Variants in PHACTR3 observed in about 807,000 individuals in gnomAD.
PHACTR3 encodes the protein protein phosphatase 1, regulatory subunit 123.
A neutral mutation model predicts 66.8 loss-of-function variants in PHACTR3; 16 were observed. That is an observed-to-expected ratio of 0.24 (90% CI 0.16 to 0.36). PHACTR3 has a LOEUF of 0.36. Among genes scored for constraint, PHACTR3 ranks in the 10% least tolerant of loss-of-function variants. PHACTR3 has a pLI of 1.00. For synonymous variants in PHACTR3, 323 were observed against 292.1 expected, an observed-to-expected ratio of 1.11 and a Z score of -1.08; for missense variants, 647 against 719.9, an observed-to-expected ratio of 0.90 and a Z score of 1.16.
chr20:59,769,346 G>C (rs902075117), intron 5 of PHACTR3, among the ~76,000 whole-genome samples: 1 of 152,206 alleles, frequency 6.6e-6, no homozygotes, highest in Non-Finnish European at 1.5e-5. Flanking sequence ...AGCTCATGCT[G>C]GATTCGGTTA....
chr20:59,725,401 CGGTATGAGCTTAGGTG>C (rs1436779742), intron 1 of PHACTR3, among the ~76,000 whole-genome samples: 2 of 151,408 alleles, frequency 1.3e-5, no homozygotes, highest in Non-Finnish European at 2.9e-5. Flanking sequence ...GAGCCCAGAT[CGGTATGAGCTTAGGTG>C]GGTGTGAGCT....
At chr20:59,724,287 C>A (rs577460665) in intron 1 of PHACTR3, among the ~76,000 whole-genome samples, 27 of 152,252 alleles carry the variant, frequency 1.8e-4, no homozygotes, top group African/African-American at 5.8e-4. Flanking sequence ...AGGCCAAGAC[C>A]GGAGTGGTCC....
At chr20:59,671,198 C>T (rs964527620) in intron 1 of PHACTR3, among the ~76,000 whole-genome samples, 14 of 152,162 alleles carry the variant, frequency 9.2e-5, no homozygotes, top group African/African-American at 2.9e-4. Context: ...TTTGGCCTTC[C>T]TTGGGCCTTG....
At chr20:59,663,942 A>T (rs1455563432) in intron 1 of PHACTR3, among the ~76,000 whole-genome samples, 1 of 152,262 alleles carries the variant, frequency 6.6e-6, no homozygotes, top group Non-Finnish European at 1.5e-5. Context: ...TACCAAACAT[A>T]CCAACAAGAG....
At chr20:59,655,538 C>T (rs964315763) in intron 1 of PHACTR3, among the ~76,000 whole-genome samples, 2 of 151,820 alleles carry the variant, frequency 1.3e-5, no homozygotes, top group Non-Finnish European at 2.9e-5. Context: ...TGAGTCTTCT[C>T]TCTCTCTTCT....
intron 7 of PHACTR3, among the ~76,000 whole-genome samples, chr20:59,781,185 A>G (rs947215703): frequency 6.6e-6 from 1 of 152,170 alleles, no homozygotes; most frequent in Non-Finnish European, 1.5e-5. Flanking sequence ...ATGCAGTTAC[A>G]TGTGTTTGTG....
chr20:59,603,545 T>G (rs1286195753), upstream of PHACTR3: 1 of 152,462 alleles, frequency 6.6e-6, no homozygotes, highest in Non-Finnish European at 1.5e-5. Flanking sequence ...GGCCCTGCTG[T>G]AGGTGCTAAT....
At chr20:59,756,567 G>A (rs1555833613) in intron 4 of PHACTR3, among the ~76,000 whole-genome samples, 1 of 152,150 alleles carries the variant, frequency 6.6e-6, no homozygotes, top group Non-Finnish European at 1.5e-5. Context: ...TGGAATTTGG[G>A]GTCTGAGAGT....
chr20:59,632,332 G>A (rs989483303), intron 1 of PHACTR3, among the ~76,000 whole-genome samples: 2 of 152,138 alleles, frequency 1.3e-5, no homozygotes, highest in Non-Finnish European at 2.9e-5. Context: ...CCATCATCCT[G>A]CACAGTCTCT....
intron 1 of PHACTR3, among the ~76,000 whole-genome samples, chr20:59,590,318 C>T (rs887417100): frequency 3.3e-5 from 5 of 152,166 alleles, no homozygotes; most frequent in African/African-American, 7.2e-5. Flanking sequence ...TCCACTTGAT[C>T]GGCCTCATGC....
intron 1 of PHACTR3, among the ~76,000 whole-genome samples, chr20:59,587,333 C>G (rs973767156): frequency 1.3e-5 from 2 of 152,244 alleles, no homozygotes; most frequent in African/African-American, 4.8e-5. Flanking sequence ...CCCTTGGGGC[C>G]AGGAGGCAGA....
intron 1 of PHACTR3, among the ~76,000 whole-genome samples, chr20:59,693,353 G>T (rs1472462844): frequency 2.0e-5 from 3 of 152,162 alleles, no homozygotes; most frequent in South Asian, 2.1e-4. Context: ...GGGTCGGTTT[G>T]CAGAATCATC....
At chr20:59,729,446 T>C (rs1568754508) in intron 1 of PHACTR3, among the ~76,000 whole-genome samples, 1 of 152,118 alleles carries the variant, frequency 6.6e-6, no homozygotes, top group Non-Finnish European at 1.5e-5. Flanking sequence ...AGAAATTGCA[T>C]GGCCCAGATC....
intron 1 of PHACTR3, among the ~76,000 whole-genome samples, chr20:59,644,610 C>T (rs573912625): frequency 9.9e-5 from 15 of 152,258 alleles, no homozygotes; most frequent in Non-Finnish European, 1.8e-4. Flanking sequence ...TTTGGCGGTA[C>T]GAGACAGAAG....
chr20:59,777,914 A>C (rs2040592641), intron 7 of PHACTR3, among the ~76,000 whole-genome samples: 1 of 151,862 alleles, frequency 6.6e-6, no homozygotes, highest in Non-Finnish European at 1.5e-5. Context: ...GCATGCGTCC[A>C]CGTGGGGACT....
intron 9 of PHACTR3, among the ~76,000 whole-genome samples, chr20:59,837,104 T>C (rs1420908092): frequency 6.6e-6 from 1 of 152,216 alleles, no homozygotes; most frequent in African/African-American, 2.4e-5. Context: ...TGAGCATAGG[T>C]GTTCATGAGT....
intron 8 of PHACTR3, among the ~76,000 whole-genome samples, chr20:59,834,296 G>A (rs2042464363): frequency 6.6e-6 from 1 of 152,214 alleles, no homozygotes; most frequent in South Asian, 2.1e-4. Context: ...CAGCATGGGG[G>A]CCAGGAATCT....
chr20:59,660,516 A>T (rs758357810), intron 1 of PHACTR3, among the ~76,000 whole-genome samples: 11 of 152,008 alleles, frequency 7.2e-5, no homozygotes, highest in Non-Finnish European at 1.3e-4. Context: ...CAAACAAAAA[A>T]CTCACTCTGT....
intron 8 of PHACTR3, among the ~76,000 whole-genome samples, chr20:59,815,858 G>A (rs2041873296): frequency 1.3e-5 from 2 of 152,068 alleles, no homozygotes; most frequent in African/African-American, 4.8e-5. Context: ...CATCTCCTAT[G>A]GTTGTGGGAA....
Sources: gnomAD v4.1 joint callset for allele counts (sites outside exome capture counted in the v4.1 genomes callset) on GRCh38, gnomAD v4.1.1 for gene constraint, MANE v1.5 for transcripts, NCBI Gene and HGNC (gene_info 2026-07-23, HGNC 2026-07-21) for gene names.